The following GHR variants were observed in gnomAD, a reference collection of about 807,000 sequenced individuals.
GHR encodes the protein growth hormone receptor.
In GHR, 35 loss-of-function variants were observed where a neutral mutation model predicts 67.1. That is an observed-to-expected ratio of 0.52 (90% CI 0.40 to 0.69). The LOEUF is 0.69. Among genes scored for constraint, GHR ranks in the 30% least tolerant of loss-of-function variants. GHR has a pLI of 0.00. For synonymous variants in GHR, 272 were observed against 269.1 expected, an observed-to-expected ratio of 1.01 and a Z score of -0.10; for missense variants, 792 against 764.6, an observed-to-expected ratio of 1.04 and a Z score of -0.42.
Position 42,719,485 on chromosome 5 carries a change from C to A in GHR, c.*61C>A. On this transcript the variant is annotated 3_prime_UTR_variant, in exon 10 of 10. Transcript: ENST00000230882. ...AGCAAAGAATTGACTGGGGCAATAA[C>A]GTTTAAGCCAAAACAATGTTTAAAC... 8.6e-6 allele frequency: 13 copies of A among 1,513,638 alleles called. 1 individual carries two copies. The South Asian group carries it at 1.4e-4, about 16-fold the overall frequency. The allele number at this position is 1,513,638 out of a possible 1,614,324, so 93.8% of individuals were successfully genotyped here.
At chr5:42,614,838 T>G (rs1355883456) in intron 2 of GHR, among the ~76,000 whole-genome samples, 2 of 152,000 alleles carry the variant, frequency 1.3e-5, no homozygotes, top group Non-Finnish European at 2.9e-5. Flanking sequence ...TTTTTCTTCC[T>G]AGGTTTGTTT....
intron 1 of GHR, among the ~76,000 whole-genome samples, chr5:42,537,663 T>C (rs564696445): frequency 5.3e-5 from 8 of 152,232 alleles, no homozygotes; most frequent in African/African-American, 1.9e-4. Context: ...CTGTATATAT[T>C]TGTTAAGTCC....
chr5:42,648,425 G>A (rs1487190367), intron 3 of GHR, among the ~76,000 whole-genome samples: 1 of 152,112 alleles, frequency 6.6e-6, no homozygotes, highest in Non-Finnish European at 1.5e-5. Flanking sequence ...CATGGATGTG[G>A]GTGTGTGAGG....
chr5:42,712,354 G>T (rs1163326104), intron 7 of GHR, among the ~76,000 whole-genome samples: 1 of 151,968 alleles, frequency 6.6e-6, no homozygotes, highest in Non-Finnish European at 1.5e-5. Context: ...ACACCCTTAA[G>T]CTTAGTGTAG....
At chr5:42,548,217 A>ATG (rs1268757855) in intron 1 of GHR, 115 of 978,020 alleles carry the variant, frequency 1.2e-4, no homozygotes, top group Non-Finnish European at 1.2e-4. Flanking sequence ...GGTACCAGAT[A>ATG]TGTGTGTGTG....
At chr5:42,480,213 A>C (rs560288991) in intron 1 of GHR, among the ~76,000 whole-genome samples, 20 of 152,286 alleles carry the variant, frequency 1.3e-4, no homozygotes, top group African/African-American at 4.8e-4. Context: ...GAGTTTCTTA[A>C]TCCTGAGTTC....
chr5:42,521,371 T>C (rs2112303329), intron 1 of GHR, among the ~76,000 whole-genome samples: 1 of 152,318 alleles, frequency 6.6e-6, no homozygotes, highest in South Asian at 2.1e-4. Flanking sequence ...ATCTCAGATA[T>C]AGTCTTCCTT....
intron 1 of GHR, among the ~76,000 whole-genome samples, chr5:42,479,473 C>T (rs1356548361): frequency 6.6e-6 from 1 of 152,088 alleles, no homozygotes; most frequent in Non-Finnish European, 1.5e-5. Context: ...CCAGCTTCTC[C>T]TTGTACCTCT....
chr5:42,662,092 C>A (rs1380584822), intron 3 of GHR, among the ~76,000 whole-genome samples: 1 of 152,146 alleles, frequency 6.6e-6, no homozygotes, highest in East Asian at 1.9e-4. Flanking sequence ...CAGGAGCATC[C>A]AGATTCATAA....
At chr5:42,515,923 A>G (rs1186571124) in intron 1 of GHR, among the ~76,000 whole-genome samples, 1 of 152,234 alleles carries the variant, frequency 6.6e-6, no homozygotes, top group Non-Finnish European at 1.5e-5. Context: ...GTTTAAATCT[A>G]AGAATAAGCC....
intron 1 of GHR, among the ~76,000 whole-genome samples, chr5:42,434,568 G>C (rs907036449): frequency 2.0e-5 from 3 of 152,188 alleles, no homozygotes; most frequent in Non-Finnish European, 4.4e-5. Flanking sequence ...CTCAGTGACA[G>C]ATTTATAACT....
chr5:42,484,348 T>C (rs1212970571), intron 1 of GHR, among the ~76,000 whole-genome samples: 1 of 152,226 alleles, frequency 6.6e-6, no homozygotes, highest in Non-Finnish European at 1.5e-5. Context: ...TATCCACATA[T>C]CCACCATTAG....
At chr5:42,713,619 G>C in intron 8 of GHR, 100 bp downstream of exon 8, 2 of 740,456 alleles carry the variant, frequency 2.7e-6, no homozygotes, top group Non-Finnish European at 4.9e-6. Context: ...CAAATTATGA[G>C]TGGAAATTTT....
intron 3 of GHR, among the ~76,000 whole-genome samples, chr5:42,673,972 T>G (rs777885603): frequency 4.6e-5 from 7 of 152,150 alleles, no homozygotes; most frequent in Non-Finnish European, 7.4e-5. Flanking sequence ...CATCAGCGTG[T>G]TTTTTAATTT....
intron 1 of GHR, among the ~76,000 whole-genome samples, chr5:42,535,106 G>C (rs975656074): frequency 3.3e-5 from 5 of 151,982 alleles, no homozygotes; most frequent in Non-Finnish European, 5.9e-5. Flanking sequence ...CTACTCTGTG[G>C]GTTGCCCATT....
intron 1 of GHR, chr5:42,565,502 A>G: frequency 1.0e-6 from 1 of 985,178 alleles, no homozygotes; most frequent in Non-Finnish European, 1.2e-6. Flanking sequence ...TACTGCTGAT[A>G]AGGTTTTCTA....
chr5:42,476,285 A>G lies in GHR; in HGVS notation c.-12+52330A>G, dbSNP rs560727680. ...GCCCAGGCTGGAGTGCAGTGGCACA[A>G]TCTCGGCTCACTGCAACCTCCGCTC... is the stretch of plus-strand genomic sequence containing the variant. On this transcript the variant is annotated intron_variant, in intron 1 of 9. Coordinates refer to ENST00000230882, the MANE Select transcript of GHR (RefSeq NM_000163.5). 7.6e-4 allele frequency among the ~76,000 whole-genome samples: 115 copies of G among 150,678 alleles called. 1 individual carries two copies. The highest frequency in any genetic ancestry group is 2.7e-3 in the African/African-American group (111 of 40,880).
At chr5:42,475,740 T>C (rs1745276696) in intron 1 of GHR, among the ~76,000 whole-genome samples, 1 of 152,132 alleles carries the variant, frequency 6.6e-6, no homozygotes, top group South Asian at 2.1e-4. Flanking sequence ...GAGTCAGCAG[T>C]CAAAATGTGA....
chr5:42,598,256 G>A (rs1194004250), intron 2 of GHR, among the ~76,000 whole-genome samples: 1 of 152,176 alleles, frequency 6.6e-6, no homozygotes, highest in Non-Finnish European at 1.5e-5. Flanking sequence ...ATGGAGGAAG[G>A]GGAGACTCAG....
Sources: allele counts gnomAD v4.1 joint callset (sites outside exome capture counted in the v4.1 genomes callset), GRCh38; gene constraint gnomAD v4.1.1; transcripts MANE v1.5; gene names NCBI Gene and HGNC (gene_info 2026-07-23, HGNC 2026-07-21).